The following TESMIN variants were observed in gnomAD, a reference collection of about 807,000 sequenced individuals.
TESMIN encodes the protein CXC domain containing 2.
Under a neutral mutation model 47.4 loss-of-function variants are expected in TESMIN, and 34 were observed. That is an observed-to-expected ratio of 0.72 (90% CI 0.55 to 0.96). TESMIN has a LOEUF of 0.96. Ranked by LOEUF, TESMIN falls within the 40% of genes least tolerant of loss-of-function variation. TESMIN has a pLI of 0.00. For missense variants in TESMIN, 610 were observed against 637.2 expected, an observed-to-expected ratio of 0.96 and a Z score of 0.46; for synonymous variants, 278 against 258.9, an observed-to-expected ratio of 1.07 and a Z score of -0.71.
At chr11:68,745,996 T>C (rs1333990172) in intron 3 of TESMIN, among the ~76,000 whole-genome samples, 2 of 152,192 alleles carry the variant, frequency 1.3e-5, no homozygotes, top group East Asian at 3.9e-4. Context: ...AAGTTGCTTA[T>C]AATCTAGATA....
intron 4 of TESMIN, among the ~76,000 whole-genome samples, chr11:68,743,568 A>AT (rs1246343616): frequency 4.0e-5 from 6 of 151,088 alleles, no homozygotes; most frequent in South Asian, 4.2e-4. Context: ...ATTTATGTGT[A>AT]TTTTTTTTTC....
chr11:68,746,087 C>T (rs1946516787), intron 3 of TESMIN, among the ~76,000 whole-genome samples: 1 of 152,172 alleles, frequency 6.6e-6, no homozygotes. Context: ...GATCAATATT[C>T]CACATCATCC....
At chr11:68,709,979 G>C (rs143418019) in intron 9 of TESMIN, among the ~76,000 whole-genome samples, 1 of 152,162 alleles carries the variant, frequency 6.6e-6, no homozygotes, top group African/African-American at 2.4e-5. Context: ...CCAATATGGC[G>C]AGACCCCATC....
chr11:68,737,312 C>A (rs144941174), intron 6 of TESMIN: 5 of 985,360 alleles, frequency 5.1e-6, no homozygotes, highest in Non-Finnish European at 6.0e-6. Flanking sequence ...ACAGCCTAGG[C>A]ACAGAATTAC....
intron 5 of TESMIN, 110 bp from the exon 6 acceptor site, chr11:68,738,898 C>T: frequency 1.1e-6 from 1 of 886,598 alleles, no homozygotes; most frequent in South Asian, 1.5e-5. Flanking sequence ...AGGTTTACAT[C>T]ACCATCCCTT....
intron 7 of TESMIN, among the ~76,000 whole-genome samples, chr11:68,714,806 A>G (rs1215772148): frequency 6.6e-6 from 1 of 152,230 alleles, no homozygotes; most frequent in Non-Finnish European, 1.5e-5. Flanking sequence ...CATAGCATAC[A>G]CAAAGGTTTA....
At position 68,713,349 on chromosome 11, in the gene TESMIN, C is replaced by T; in HGVS notation, c.1079G>A (p.Gly360Asp). The change falls in exon 8 of 10, where the codon GGC (glycine) becomes GAC (aspartate). Residue 360 changes from glycine to aspartate, a missense_variant. Transcript: ENST00000255087. ...FQPKIGKGQL[G>D]NVKPQHNKGC... ...TTTGTTGTGCTGGGGCTTGACATTG[C>T]CCAATTGGCCCTTCCCAATTTTTGG... 2.5e-6 allele frequency: 4 copies of T among 1,614,168 alleles called. No individual in the cohort carries two copies. The highest frequency in any genetic ancestry group is 3.4e-6 in the Non-Finnish European group (4 of 1,180,032).
At chr11:68,751,115 A>AGG (rs1946600219) in intron 1 of TESMIN, among the ~76,000 whole-genome samples, 1 of 23,566 alleles carries the variant, frequency 4.2e-5, no homozygotes, top group Admixed American at 6.1e-4. Flanking sequence ...CAGGGGAGGG[A>AGG]GTCAGGGGAG....
At chr11:68,730,654 G>C (rs1186216210) in intron 6 of TESMIN, among the ~76,000 whole-genome samples, 1 of 152,036 alleles carries the variant, frequency 6.6e-6, no homozygotes, top group Non-Finnish European at 1.5e-5. Context: ...AATTAGCTGG[G>C]CATGGTGGCG....
chr11:68,720,688 G>A (rs1044558665), intron 6 of TESMIN, among the ~76,000 whole-genome samples: 5 of 152,184 alleles, frequency 3.3e-5, no homozygotes, highest in African/African-American at 1.2e-4. Context: ...CAGTAACACA[G>A]CCCCTGTGTT....
At chr11:68,743,518 G>C (rs1946484122) in intron 4 of TESMIN, among the ~76,000 whole-genome samples, 1 of 151,988 alleles carries the variant, frequency 6.6e-6, no homozygotes, top group Non-Finnish European at 1.5e-5. Context: ...CAAAGTGCTA[G>C]GATTATAGGC....
chr11:68,738,667 T>C, intron 6 of TESMIN, 33 bp downstream of exon 6: 2 of 1,612,554 alleles, frequency 1.2e-6, no homozygotes, highest in African/African-American at 1.3e-5. Flanking sequence ...AATTATTACA[T>C]TAGAGTGACA....
At chr11:68,720,918 T>C (rs772814361) in intron 6 of TESMIN, among the ~76,000 whole-genome samples, 17 of 152,246 alleles carry the variant, frequency 1.1e-4, no homozygotes, top group Non-Finnish European at 2.4e-4. Context: ...TTTCAGACTT[T>C]TTCTGTAAAA....
chr11:68,710,878 C>T lies in TESMIN; in HGVS notation c.1330G>A (p.Asp444Asn), dbSNP rs777596433. The T allele has an allele frequency of 5.0e-6, 8 of 1,611,554 alleles. No homozygotes were observed. Among genetic ancestry groups the T allele is most frequent in the African/African-American group, 2.7e-5 (2 of 74,766 alleles). Residue 444 changes from aspartate to asparagine, a missense_variant, in exon 9 of 10, where the codon GAT becomes AAT. Transcript: ENST00000255087. ...KFSGLPRFSH[D>N]RRPSSCISWE... Reference sequence around the variant, plus strand: ...AGGTTAGTTCAAAGTACCTACCTATCGTGACTGAATCTTGGAAGTCCTGAA... The same window carrying T: ...AGGTTAGTTCAAAGTACCTACCTATTGTGACTGAATCTTGGAAGTCCTGAA...
chr11:68,736,178 C>G, intron 6 of TESMIN: 3 of 984,960 alleles, frequency 3.0e-6, no homozygotes, highest in Non-Finnish European at 3.6e-6. Context: ...TTACTAAAAC[C>G]AGTAGCATCA....
At chr11:68,715,697 C>T in intron 7 of TESMIN, 140 bp downstream of exon 7, 1 of 637,796 alleles carries the variant, frequency 1.6e-6, no homozygotes. Context: ...CCCCCACCGG[C>T]AGGAATCAAG....
intron 4 of TESMIN, among the ~76,000 whole-genome samples, chr11:68,743,686 A>G (rs534049822): frequency 6.6e-6 from 1 of 152,278 alleles, no homozygotes; most frequent in South Asian, 2.1e-4. Flanking sequence ...TGCCATGAAA[A>G]ACATTCTTGA....
chr11:68,713,449 T>C, intron 7 of TESMIN, 42 bp from the exon 8 acceptor site: 1 of 1,607,158 alleles, frequency 6.2e-7, no homozygotes, highest in Non-Finnish European at 8.5e-7. Context: ...GATTTTATCA[T>C]TTAAAACTCA....
intron 4 of TESMIN, among the ~76,000 whole-genome samples, chr11:68,744,324 A>G (rs1946493445): frequency 6.6e-6 from 1 of 152,238 alleles, no homozygotes; most frequent in Non-Finnish European, 1.5e-5. Flanking sequence ...CCCCATAGAG[A>G]GGCCTAATTT....
Sources: gnomAD v4.1 joint callset for allele counts (sites outside exome capture counted in the v4.1 genomes callset) on GRCh38, gnomAD v4.1.1 for gene constraint, MANE v1.5 for transcripts, NCBI Gene and HGNC (gene_info 2026-07-23, HGNC 2026-07-21) for gene names.